The following ACP3 variants were observed in gnomAD, a reference collection of about 807,000 sequenced individuals.
The protein encoded by ACP3 is prostatic acid phosphatase.
In ACP3, 38 loss-of-function variants were observed where a neutral mutation model predicts 45.6. That is an observed-to-expected ratio of 0.83 (90% CI 0.64 to 1.09). The LOEUF is 1.09. Among genes scored for constraint, ACP3 ranks in the 50% least tolerant of loss-of-function variants. The probability of loss-of-function intolerance (pLI) is 0.00; values close to 1 mark genes in which losing one functional copy is unlikely to be tolerated. For synonymous variants in ACP3, 162 were observed against 164.7 expected (o/e 0.98, Z 0.13); for missense variants, 466 against 463.2 (o/e 1.01, Z -0.05).
intron 3 of ACP3, 92 bp from the exon 4 acceptor site, chr3:132,332,100 G>A (rs1937408793): frequency 7.3e-7 from 1 of 1,366,824 alleles, no homozygotes; most frequent in Non-Finnish European, 1.0e-6. Flanking sequence ...CACTGTGGGT[G>A]TCCTTTCCTT....
rs549119385 is a variant in ACP3 at position 132,333,772 on chromosome 3, CA to C, written c.456+1429del. Among the ~76,000 whole-genome samples the C allele has an allele frequency of 7.9e-4, 121 of 152,232 alleles. 1 individual carries two copies. Among genetic ancestry groups the C allele is most frequent in the African/African-American group, 2.7e-3 (113 of 41,538 alleles). ...AAAATCACTTTACCAGCCTTTTCTG[CA>C]GAGATAAAGACTGGAGGTCAGGTGC... On this transcript the variant is annotated intron_variant, in intron 4 of 9. Transcript: ENST00000336375.
intron 1 of ACP3, among the ~76,000 whole-genome samples, chr3:132,325,906 GAGA>G (rs1261307847): frequency 6.6e-6 from 1 of 152,234 alleles, no homozygotes; most frequent in Non-Finnish European, 1.5e-5. Context: ...TGGAACTGAT[GAGA>G]AGATTACATC....
In ACP3 at chr3:132,317,585, ACT is replaced by A; in HGVS notation, c.120+10_120+11del. ...TGAAGTTTGTGACTTTGGTAAGTAG[ACT>A]TTTCTCATTGCTTTTTCCTTAAAAC... On this transcript the variant is annotated intron_variant, in intron 1 of 9. Coordinates refer to ENST00000336375, the MANE Select transcript of ACP3 (RefSeq NM_001099.5). The A allele has an allele frequency of 6.2e-7, 1 of 1,607,832 alleles. No individual in the cohort carries two copies. Among genetic ancestry groups the A allele is most frequent in the Non-Finnish European group, 8.5e-7 (1 of 1,177,102 alleles).
In ACP3 at chr3:132,358,692, T is replaced by C; in HGVS notation, c.*1814T>C. Reference sequence around the variant, plus strand: ...TTGTCCTTGGGTCCATTTTCTATGCTTGTAACTGTCTTCTAGCAGTGAGCC... The same window carrying C: ...TTGTCCTTGGGTCCATTTTCTATGCCTGTAACTGTCTTCTAGCAGTGAGCC... On this transcript the variant is annotated 3_prime_UTR_variant, in exon 10 of 10. Transcript: ENST00000336375. 1 of 1,021,984 alleles carries C rather than the reference T, an allele frequency of 9.8e-7. No individual in the cohort carries two copies. The allele number at this position is 1,021,984 out of a possible 1,614,324, so 63.3% of individuals were successfully genotyped here.
At position 132,331,739 on chromosome 3, in the gene ACP3, T is replaced by C. The variant is rs1472699908; in HGVS notation, c.303+6T>C. 9 of 1,594,870 alleles carry C rather than the reference T, an allele frequency of 5.6e-6. No individual in the cohort carries two copies. Among genetic ancestry groups the C allele is most frequent in the Non-Finnish European group, 6.8e-6 (8 of 1,171,866 alleles). ...AGTCCTATAAACATGAACAGGCAAG[T>C]TGGGGAGCCAAGAGTGGGAACTTTG... On this transcript the variant is annotated splice_donor_region_variant and intron_variant, in intron 3 of 9. Coordinates refer to ENST00000336375, the MANE Select transcript of ACP3 (RefSeq NM_001099.5).
chr3:132,344,173 GAGGCTGAGGCA>G (rs1206625847), intron 6 of ACP3, among the ~76,000 whole-genome samples: 1 of 151,962 alleles, frequency 6.6e-6, no homozygotes, highest in African/African-American at 2.4e-5. Context: ...AGCTACTCGG[GAGGCTGAGGCA>G]AGAGAATCGC....
chr3:132,334,539 A>G (rs1937457646), intron 4 of ACP3, among the ~76,000 whole-genome samples: 1 of 152,230 alleles, frequency 6.6e-6, no homozygotes, highest in South Asian at 2.1e-4. Flanking sequence ...TCAGAGAATG[A>G]GACTTACGTG....
At chr3:132,337,753 C>T (rs935832681) in intron 5 of ACP3, among the ~76,000 whole-genome samples, 199 bp downstream of exon 5, 1 of 152,128 alleles carries the variant, frequency 6.6e-6, no homozygotes, top group Admixed American at 6.5e-5. Flanking sequence ...ACAGGGGTCA[C>T]AAGCCAATAG....
intron 6 of ACP3, among the ~76,000 whole-genome samples, 176 bp from the exon 7 acceptor site, chr3:132,344,751 C>A (rs1357041677): frequency 6.6e-6 from 1 of 152,030 alleles, no homozygotes; most frequent in Non-Finnish European, 1.5e-5. Context: ...TTTATATAAG[C>A]TTTTCTTCTG....
downstream of ACP3, among the ~76,000 whole-genome samples, chr3:132,361,101 T>TA (rs1938032815): frequency 6.6e-6 from 1 of 152,218 alleles, no homozygotes; most frequent in African/African-American, 2.4e-5. Context: ...AACATGTCTG[T>TA]AGTATTTGAC....
chr3:132,352,802 C>T lies in ACP3; in HGVS notation c.947C>T (p.Thr316Met), dbSNP rs779662063. The part of the protein sequence containing the change: ...LLPPYASCHL[T>M]ELYFEKGEYF... Reference sequence around the variant, plus strand: ...CCTCCCTATGCTTCTTGCCACTTGACGGAATTGTACTTTGAGAAGGGGTAA... The same window carrying T: ...CCTCCCTATGCTTCTTGCCACTTGATGGAATTGTACTTTGAGAAGGGGTAA... Residue 316 changes from threonine to methionine, a missense_variant, in exon 9 of 10, where the codon ACG (threonine) becomes ATG (methionine). By Grantham distance (81) the Thr-to-Met change is moderately conservative. Transcript: ENST00000336375. 7 of 1,612,128 alleles carry T rather than the reference C, an allele frequency of 4.3e-6. No individual in the cohort carries two copies. Among genetic ancestry groups the T allele is most frequent in the Middle Eastern group, 1.7e-4 (1 of 6,056 alleles).
intron 5 of ACP3, among the ~76,000 whole-genome samples, chr3:132,340,276 C>T (rs1137142): frequency 1.3e-5 from 2 of 148,810 alleles, no homozygotes; most frequent in Admixed American, 6.8e-5. Context: ...GATGGCGCCA[C>T]TGCATTCCAG....
At chr3:132,367,902 G>T in exon 11 of ACP3, 2 of 1,097,880 alleles carry the variant, frequency 1.8e-6, no homozygotes, top group Non-Finnish European at 2.8e-6. Flanking sequence ...ACAGGCTTTT[G>T]CCATGTGGGC....
At chr3:132,350,368 T>C (rs1406641296) in intron 8 of ACP3, among the ~76,000 whole-genome samples, 1 of 152,154 alleles carries the variant, frequency 6.6e-6, no homozygotes, top group Admixed American at 6.5e-5. Flanking sequence ...TAAGTGCTCC[T>C]CACTAGTGTG....
Position 132,358,243 on chromosome 3 carries a change from A to T in ACP3, c.*1365A>T, listed in dbSNP as rs986019135. On this transcript the variant is annotated 3_prime_UTR_variant, in exon 10 of 10. Transcript: ENST00000336375. ...ACTGTCTCTACCAAAAAAAGGAAGG[A>T]AGGGACACATATCAAACTGAAACAA... The T allele has an allele frequency of 1.8e-6, 2 of 1,123,532 alleles. No individual in the cohort carries two copies. The highest frequency in any genetic ancestry group is 3.3e-5 in the African/African-American group (2 of 61,434). The allele number at this position is 1,123,532 out of a possible 1,614,324, so 69.6% of individuals were successfully genotyped here. A position where few individuals can be genotyped will look rare whatever the true frequency, so the allele number is the denominator to read the frequency against.
downstream of ACP3, among the ~76,000 whole-genome samples, chr3:132,358,999 C>T (rs1219543554): frequency 6.6e-6 from 1 of 152,190 alleles, no homozygotes; most frequent in East Asian, 1.9e-4. Flanking sequence ...ATGGCTCTGC[C>T]TCATCTATTT....
At chr3:132,351,688 T>C (rs1424403997) in intron 8 of ACP3, among the ~76,000 whole-genome samples, 2 of 152,146 alleles carry the variant, frequency 1.3e-5, no homozygotes, top group African/African-American at 4.8e-5. Context: ...TAACTTGTGG[T>C]GTGACTTCCA....
At chr3:132,359,437 A>G (rs575991766), downstream of ACP3, among the ~76,000 whole-genome samples, 176 of 152,154 alleles carry the variant, frequency 1.2e-3, no homozygotes, top group African/African-American at 4.1e-3. Flanking sequence ...GAACCCGGGA[A>G]GCGGAACTTG....
chr3:132,365,343 T>C (rs1938113250), intron 10 of ACP3, among the ~76,000 whole-genome samples: 1 of 152,186 alleles, frequency 6.6e-6, no homozygotes, highest in Non-Finnish European at 1.5e-5. Context: ...CACTTTTAAA[T>C]GGGAAGGTCT....
Sources: allele counts gnomAD v4.1 joint callset (sites outside exome capture counted in the v4.1 genomes callset), GRCh38; gene constraint gnomAD v4.1.1; transcripts MANE v1.5; gene names NCBI Gene and HGNC (gene_info 2026-07-23, HGNC 2026-07-21).